The following CAP2 variants were observed in gnomAD, a reference collection of about 807,000 sequenced individuals.
CAP2 encodes cyclase associated actin cytoskeleton regulatory protein 2.
CAP2 carries 24 observed loss-of-function variants against 57.7 expected under a neutral mutation model. That is an observed-to-expected ratio of 0.42 (90% confidence interval 0.30 to 0.58). CAP2 has a LOEUF of 0.58. Among genes scored for constraint, CAP2 ranks in the 20% least tolerant of loss-of-function variants. CAP2 has a pLI of 0.22. For missense variants in CAP2, 501 were observed against 590.3 expected, an observed-to-expected ratio of 0.85 and a Z score of 1.57; for synonymous variants, 194 against 207.2, an observed-to-expected ratio of 0.94 and a Z score of 0.55.
chr6:17,500,340 A>AATATATATATATATATATATGT, intron 4 of CAP2, among the ~76,000 whole-genome samples: 1 of 33,024 alleles, frequency 3.0e-5, no homozygotes, highest in African/African-American at 7.9e-5. Context: ...TGTGTGTCCA[A>AATATATATATATATATATATGT]ATATATATAT....
intron 7 of CAP2, among the ~76,000 whole-genome samples, chr6:17,525,881 G>A (rs1186093308): frequency 6.6e-6 from 1 of 152,146 alleles, no homozygotes; most frequent in Non-Finnish European, 1.5e-5. Context: ...GAACACAGAA[G>A]TATCCTCTCT....
chr6:17,444,957 G>A (rs1250691516), intron 3 of CAP2, among the ~76,000 whole-genome samples: 1 of 151,950 alleles, frequency 6.6e-6, no homozygotes, highest in Non-Finnish European at 1.5e-5. Flanking sequence ...AAAGACTGGG[G>A]CTCTGAGGCA....
chr6:17,493,325 T>C, intron 4 of CAP2: 1 of 276,730 alleles, frequency 3.6e-6, no homozygotes, highest in Non-Finnish European at 7.8e-6. Context: ...TCACCTCAAT[T>C]TGTTAAGATA....
chr6:17,472,061 G>A (rs1489129629), intron 4 of CAP2, among the ~76,000 whole-genome samples: 1 of 24,440 alleles, frequency 4.1e-5, no homozygotes, highest in Non-Finnish European at 6.9e-5. Context: ...TGGGCCGGGC[G>A]CGGTGGCTCA....
intron 3 of CAP2, among the ~76,000 whole-genome samples, chr6:17,444,015 G>A (rs888725976): frequency 1.3e-5 from 2 of 152,130 alleles, no homozygotes; most frequent in African/African-American, 4.8e-5. Context: ...ATTTTAAATA[G>A]TGAGGTACTT....
intron 4 of CAP2, among the ~76,000 whole-genome samples, chr6:17,478,046 G>A (rs1000102682): frequency 6.1e-5 from 9 of 147,786 alleles, no homozygotes; most frequent in Admixed American, 4.7e-4. Context: ...TAATAATTAT[G>A]TATAATATAT....
At chr6:17,451,386 T>A (rs570396528) in intron 3 of CAP2, among the ~76,000 whole-genome samples, 33 of 152,344 alleles carry the variant, frequency 2.2e-4, no homozygotes, top group African/African-American at 7.9e-4. Flanking sequence ...GTGTTTGCTG[T>A]CTGCTCCACA....
rs1304926322 is a variant in CAP2 at position 17,444,841 on chromosome 6, CACA to C, written c.223-18151_223-18149del. 5.1e-3 allele frequency among the ~76,000 whole-genome samples: 769 copies of C among 149,386 alleles called. 4 individuals carry two copies. Among genetic ancestry groups the C allele is most frequent in the African/African-American group, 0.018 (729 of 39,896 alleles). On this transcript the variant is annotated intron_variant, in intron 3 of 12. Transcript: ENST00000229922. ...ACACACACACACACACACACACACA[CACA>C]ACACGAGTCCTGATTTTATCACAGC... is the stretch of plus-strand genomic sequence containing the variant.
chr6:17,430,497 G>A (rs923801037), intron 3 of CAP2, among the ~76,000 whole-genome samples: 1 of 151,900 alleles, frequency 6.6e-6, no homozygotes, highest in African/African-American at 2.4e-5. Context: ...CCTAGCCCTT[G>A]GTTGGACATC....
chr6:17,496,326 A>AGTATCTT lies in CAP2; in HGVS notation c.301-10840_301-10834dup, dbSNP rs201900107. Among the ~76,000 whole-genome samples, 1,253 of 152,260 alleles carry AGTATCTT rather than the reference A, an allele frequency of 8.2e-3. 11 individuals carry two copies. Among genetic ancestry groups the AGTATCTT allele is most frequent in the African/African-American group, 0.029 (1,192 of 41,542 alleles). On this transcript the variant is annotated intron_variant, in intron 4 of 12. Transcript: ENST00000229922. The stretch of plus-strand genomic sequence containing the variant: ...TACGCAAAGTTAAACAGGTTTCTTT[A>AGTATCTT]GTATCTTGTTCAGTATTCTGAAGTG...
chr6:17,505,738 A>G (rs1286017168), intron 4 of CAP2, among the ~76,000 whole-genome samples: 1 of 152,204 alleles, frequency 6.6e-6, no homozygotes, highest in African/African-American at 2.4e-5. Flanking sequence ...CTGATAAACA[A>G]CCTTGTATCT....
intron 3 of CAP2, among the ~76,000 whole-genome samples, chr6:17,444,639 C>CAAA (rs59730697): frequency 2.1e-4 from 19 of 89,966 alleles, no homozygotes; most frequent in East Asian, 8.7e-4. Context: ...GACTCTGTCT[C>CAAA]AAAAAAAAAA....
chr6:17,454,808 C>T (rs1410587802), intron 3 of CAP2, among the ~76,000 whole-genome samples: 1 of 152,186 alleles, frequency 6.6e-6, no homozygotes, highest in Non-Finnish European at 1.5e-5. Context: ...TTCTATGCTT[C>T]AAGTCTCTCT....
intron 3 of CAP2, among the ~76,000 whole-genome samples, chr6:17,432,499 T>A (rs1313583570): frequency 6.6e-6 from 1 of 152,208 alleles, no homozygotes; most frequent in Non-Finnish European, 1.5e-5. Flanking sequence ...ATGTGGAATA[T>A]CTTGGCAATT....
At chr6:17,443,785 T>G (rs1290459745) in intron 3 of CAP2, among the ~76,000 whole-genome samples, 2 of 152,230 alleles carry the variant, frequency 1.3e-5, no homozygotes, top group Non-Finnish European at 2.9e-5. Context: ...TTTTCCAACC[T>G]TCAGTATTTT....
At chr6:17,406,398 CTT>C (rs777803474) in intron 1 of CAP2, among the ~76,000 whole-genome samples, 28 of 102,362 alleles carry the variant, frequency 2.7e-4, no homozygotes, top group Non-Finnish European at 2.0e-4. Flanking sequence ...GCCCAGATTT[CTT>C]TTTTTTTTTT....
chr6:17,407,062 A>G (rs991976727), intron 1 of CAP2, among the ~76,000 whole-genome samples: 8 of 152,188 alleles, frequency 5.3e-5, no homozygotes, highest in African/African-American at 1.9e-4. Context: ...TGTATTTTGA[A>G]CACAGTTTGG....
At chr6:17,544,169 T>C (rs1762984777) in intron 11 of CAP2, among the ~76,000 whole-genome samples, 1 of 151,944 alleles carries the variant, frequency 6.6e-6, no homozygotes, top group South Asian at 2.1e-4. Flanking sequence ...ATGTAATCTT[T>C]ATAGCCCCAG....
At chr6:17,447,588 A>G (rs1760296114) in intron 3 of CAP2, among the ~76,000 whole-genome samples, 1 of 152,182 alleles carries the variant, frequency 6.6e-6, no homozygotes, top group Non-Finnish European at 1.5e-5. Context: ...AACCTCCACC[A>G]CCTGGGTTCA....
Sources: gnomAD v4.1 joint callset for allele counts (sites outside exome capture counted in the v4.1 genomes callset) on GRCh38, gnomAD v4.1.1 for gene constraint, MANE v1.5 for transcripts, NCBI Gene and HGNC (gene_info 2026-07-23, HGNC 2026-07-21) for gene names.